The following CCDC7 variants were observed in gnomAD, a reference collection of about 807,000 sequenced individuals.
The protein encoded by CCDC7 is coiled-coil domain containing 7.
CCDC7 carries 183 observed loss-of-function variants against 196.9 expected under a neutral mutation model. The ratio of observed to expected loss-of-function variants is 0.93; its 90% CI spans 0.82 to 1.05. The LOEUF (loss-of-function observed/expected upper bound fraction) is 1.05, where lower values mean the gene tolerates loss of function less well. Ranked by LOEUF, CCDC7 falls within the 50% of genes least tolerant of loss-of-function variation. The pLI is 0.00. For synonymous variants in CCDC7, 525 were observed against 484.6 expected, an observed-to-expected ratio of 1.08 and a Z score of -1.10; for missense variants, 1,540 against 1,482.2, an observed-to-expected ratio of 1.04 and a Z score of -0.64.
chr10:32,598,626 C>T (rs2060670558), intron 18 of CCDC7, among the ~76,000 whole-genome samples: 1 of 152,130 alleles, frequency 6.6e-6, no homozygotes, highest in South Asian at 2.1e-4. Flanking sequence ...TGGTGCCACC[C>T]CTGTCTCAAG....
At chr10:32,610,625 A>G (rs1329322373) in intron 18 of CCDC7, among the ~76,000 whole-genome samples, 3 of 152,078 alleles carry the variant, frequency 2.0e-5, no homozygotes, top group Non-Finnish European at 4.4e-5. Context: ...CCGGGAGCCC[A>G]TATGTTCTCA....
intron 23 of CCDC7, among the ~76,000 whole-genome samples, chr10:32,690,530 A>T (rs2076961709): frequency 6.6e-6 from 1 of 152,208 alleles, no homozygotes; most frequent in Admixed American, 6.5e-5. Context: ...CCAGGGCTGT[A>T]ATATAGCATT....
intron 20 of CCDC7, among the ~76,000 whole-genome samples, chr10:32,661,968 A>T (rs892651245): frequency 3.3e-5 from 5 of 152,094 alleles, no homozygotes; most frequent in Non-Finnish European, 5.9e-5. Context: ...CTTGTGGCCT[A>T]TATTGCCTTT....
In CCDC7 at chr10:32,518,855, CA is replaced by C. The variant is rs538284797; in HGVS notation, c.993+353del. On this transcript the variant is annotated intron_variant, in intron 11 of 41. Transcript: ENST00000639629. ...ATGTGTGTGTCCCAGTTCATTATAC[CA>C]AATAGAGTAAATAGAAATAGAAATG... Among the ~76,000 whole-genome samples the C allele has an allele frequency of 2.4e-3, 360 of 151,910 alleles. 2 individuals are homozygous for C. The highest frequency in any genetic ancestry group is 8.3e-3 in the African/African-American group (342 of 41,424).
chr10:32,445,604 A>G (rs2030752474), upstream of CCDC7, among the ~76,000 whole-genome samples: 1 of 152,238 alleles, frequency 6.6e-6, no homozygotes, highest in African/African-American at 2.4e-5. Context: ...ATTATCTAAA[A>G]AACTCTACCT....
chr10:32,576,339 T>G (rs941515835), intron 16 of CCDC7, among the ~76,000 whole-genome samples: 1 of 151,636 alleles, frequency 6.6e-6, no homozygotes, highest in Admixed American at 6.6e-5. Context: ...ATACTATTCC[T>G]CTTGAAATGA....
intron 8 of CCDC7, among the ~76,000 whole-genome samples, chr10:32,477,500 C>A (rs2039217020): frequency 6.6e-6 from 1 of 152,100 alleles, no homozygotes; most frequent in Non-Finnish European, 1.5e-5. Flanking sequence ...TGCGCCCAGC[C>A]CATTTTGAGT....
rs757957197 is a variant in CCDC7, at chr10:32,847,816, G to T, written c.3689-17G>T. 6.6e-7 allele frequency: 1 copy of T among 1,511,512 alleles called. No individual in the cohort carries two copies. The highest frequency in any genetic ancestry group is 1.2e-5 in the South Asian group (1 of 83,202). 93.6% of individuals were successfully genotyped at this position (1,511,512 alleles called of 1,614,324 possible). ...GTTACCTTAAAAAGTGTTTTGAAAT[G>T]TGTTTTATGTCTATAGAGACTGATG... On this transcript the variant is annotated splice_polypyrimidine_tract_variant and intron_variant, in intron 37 of 41. Transcript: ENST00000639629.
At chr10:32,746,665 TGTG>T (rs2074797175) in intron 28 of CCDC7, among the ~76,000 whole-genome samples, 1 of 152,176 alleles carries the variant, frequency 6.6e-6, no homozygotes, top group African/African-American at 2.4e-5. Flanking sequence ...AATGCCCAAT[TGTG>T]GTGCTTCCTG....
intron 29 of CCDC7, among the ~76,000 whole-genome samples, chr10:32,800,193 C>A (rs933223450): frequency 6.6e-6 from 1 of 152,116 alleles, no homozygotes; most frequent in Non-Finnish European, 1.5e-5. Flanking sequence ...AATCACCACC[C>A]CTGCATCTTT....
chr10:32,463,120 A>G lies in CCDC7; in HGVS notation c.510+71A>G, dbSNP rs561867074. ...ATTTGAAAAGCAATTTGGATTATGT[A>G]TAAGTTAAGTATGTATAAGTCATTT... is the stretch of plus-strand genomic sequence containing the variant. On this transcript the variant is annotated intron_variant, in intron 5 of 41. Coordinates refer to ENST00000639629, the Ensembl canonical transcript of CCDC7. The G allele has an allele frequency of 1.3e-4, 202 of 1,577,084 alleles. 1 individual carries two copies. In the East Asian group the frequency reaches 4.3e-3, roughly 33 times the overall value.
Position 32,840,747 on chromosome 10 carries a change from A to G in CCDC7, c.3353-4496A>G, listed in dbSNP as rs141094523. On this transcript the variant is annotated intron_variant, in intron 33 of 41. Coordinates refer to ENST00000639629, the Ensembl canonical transcript of CCDC7. The stretch of plus-strand genomic sequence containing the variant: ...ATCCCTGATGAACATAGATGAAAAA[A>G]TCCTCAACAAAATACTACCAAACCA... Among the ~76,000 whole-genome samples the G allele has an allele frequency of 4.6e-5, 7 of 152,090 alleles. No homozygotes were observed. The East Asian group carries it at 1.3e-3, about 29-fold the overall frequency.
At chr10:32,696,471 C>T (rs915197467) in intron 24 of CCDC7, among the ~76,000 whole-genome samples, 3 of 149,112 alleles carry the variant, frequency 2.0e-5, no homozygotes, top group South Asian at 2.1e-4. Flanking sequence ...ATGTCATAGT[C>T]TTGTTTTCTG....
intron 11 of CCDC7, among the ~76,000 whole-genome samples, chr10:32,525,437 G>A (rs1293586227): frequency 6.6e-6 from 1 of 152,076 alleles, no homozygotes; most frequent in Non-Finnish European, 1.5e-5. Flanking sequence ...TTATCTGATA[G>A]AATTCTGAAT....
intron 20 of CCDC7, among the ~76,000 whole-genome samples, chr10:32,654,457 C>T (rs561401735): frequency 1.4e-4 from 22 of 152,162 alleles, no homozygotes; most frequent in African/African-American, 5.1e-4. Flanking sequence ...TCTTCTTTCC[C>T]AGGGTTTGTT....
At chr10:32,773,696 G>GT (rs1163387060) in intron 28 of CCDC7, among the ~76,000 whole-genome samples, 4 of 151,930 alleles carry the variant, frequency 2.6e-5, no homozygotes, top group Middle Eastern at 3.4e-3. Context: ...ATTACTGAAG[G>GT]TTTTTTTGCT....
intron 20 of CCDC7, among the ~76,000 whole-genome samples, chr10:32,656,492 C>T (rs1420966739): frequency 6.6e-6 from 1 of 152,190 alleles, no homozygotes; most frequent in African/African-American, 2.4e-5. Flanking sequence ...GCAAACACAT[C>T]CTTCTTCACA....
intron 28 of CCDC7, among the ~76,000 whole-genome samples, chr10:32,750,908 T>C (rs1190719318): frequency 6.6e-6 from 1 of 152,234 alleles, no homozygotes; most frequent in Non-Finnish European, 1.5e-5. Context: ...TACTCCCATT[T>C]GTAACCTACA....
intron 8 of CCDC7, among the ~76,000 whole-genome samples, chr10:32,487,151 A>G (rs907012260): frequency 2.6e-5 from 4 of 152,110 alleles, no homozygotes; most frequent in African/African-American, 7.2e-5. Flanking sequence ...GTCTTTTCAC[A>G]TAGTCCCATA....
Sources: gnomAD v4.1 joint callset for allele counts (sites outside exome capture counted in the v4.1 genomes callset) on GRCh38, gnomAD v4.1.1 for gene constraint, MANE v1.5 for transcripts, NCBI Gene and HGNC (gene_info 2026-07-23, HGNC 2026-07-21) for gene names.